The following RNF144A variants were observed in gnomAD, a reference collection of about 807,000 sequenced individuals.
RNF144A encodes ring finger protein 144A.
In RNF144A, 11 loss-of-function variants were observed where a neutral mutation model predicts 38.7. The observed-to-expected ratio is 0.28, with a 90% confidence interval of 0.18 to 0.47. RNF144A has a LOEUF of 0.47. RNF144A is among the 20% of genes least tolerant of loss of function. The pLI is 0.99. For missense variants in RNF144A, 316 were observed against 377.2 expected, an observed-to-expected ratio of 0.84 and a Z score of 1.34; for synonymous variants, 149 against 143.9, an observed-to-expected ratio of 1.04 and a Z score of -0.25.
At chr2:6,964,005 G>A (rs1667497792) in intron 2 of RNF144A, among the ~76,000 whole-genome samples, 1 of 152,104 alleles carries the variant, frequency 6.6e-6, no homozygotes, top group African/African-American at 2.4e-5. Context: ...AAGTAATGAT[G>A]TGGCTCAGGA....
the RNF144A span, among the ~76,000 whole-genome samples, chr2:7,075,018 G>C: frequency 6.6e-6 from 1 of 152,242 alleles, no homozygotes; most frequent in East Asian, 1.9e-4. Context: ...TTGCATTCCA[G>C]GTACAATTGC....
Position 6,919,663 on chromosome 2 carries a change from T to C in RNF144A, c.-212+2041T>C, listed in dbSNP as rs557036918. ...CCCCCACTGGCTGTGGGCTTCCACCTGCATCAGGCATCAAAGGCTGTGGAT... is the reference window on the plus strand; with the variant it reads ...CCCCCACTGGCTGTGGGCTTCCACCCGCATCAGGCATCAAAGGCTGTGGAT... On this transcript the variant is annotated intron_variant, in intron 1 of 8. Coordinates refer to ENST00000320892, the MANE Select transcript of RNF144A (RefSeq NM_014746.6). Among the ~76,000 whole-genome samples, 34 of 152,316 alleles carry C rather than the reference T, an allele frequency of 2.2e-4. 1 individual carries two copies. In the South Asian group the frequency reaches 6.2e-3, roughly 28 times the overall value.
intron 6 of RNF144A, among the ~76,000 whole-genome samples, chr2:7,068,030 C>T (rs1156885133): frequency 6.6e-6 from 1 of 152,214 alleles, no homozygotes; most frequent in African/African-American, 2.4e-5. Flanking sequence ...TAGTGGTCCC[C>T]ACCCTGCTCC....
chr2:7,007,990 A>G (rs896243643), intron 3 of RNF144A, among the ~76,000 whole-genome samples: 1 of 152,222 alleles, frequency 6.6e-6, no homozygotes, highest in Non-Finnish European at 1.5e-5. Flanking sequence ...AGGGGAAGGC[A>G]GCTGGACAGT....
intron 2 of RNF144A, among the ~76,000 whole-genome samples, chr2:6,970,275 G>A (rs117092444): frequency 2.0e-3 from 305 of 152,226 alleles, no homozygotes; most frequent in East Asian, 7.4e-3. Flanking sequence ...TGCTGTTATC[G>A]TGAAAGTCAG....
At chr2:6,940,837 A>C (rs911203368) in intron 1 of RNF144A, 111 bp from the exon 2 acceptor site, 1 of 152,088 alleles carries the variant, frequency 6.6e-6, no homozygotes, top group Admixed American at 6.5e-5. Flanking sequence ...GTCTGACTGG[A>C]TAAGATTTCT....
intron 5 of RNF144A, 56 bp from the exon 6 acceptor site, chr2:7,020,417 G>T (rs923855472): frequency 3.3e-6 from 5 of 1,503,366 alleles, no homozygotes; most frequent in Non-Finnish European, 4.6e-6. Context: ...TTCCTCTGAA[G>T]CCCACATGAC....
intron 2 of RNF144A, among the ~76,000 whole-genome samples, chr2:6,960,243 T>C (rs1465339955): frequency 2.6e-5 from 4 of 152,254 alleles, no homozygotes; most frequent in Non-Finnish European, 5.9e-5. Context: ...ATGTATATCA[T>C]AGGCCCTTGT....
At chr2:6,993,494 G>C (rs1381160620) in intron 2 of RNF144A, among the ~76,000 whole-genome samples, 1 of 152,154 alleles carries the variant, frequency 6.6e-6, no homozygotes, top group Non-Finnish European at 1.5e-5. Context: ...GAATTGTCTT[G>C]GGAACAAGCA....
intron 2 of RNF144A, among the ~76,000 whole-genome samples, chr2:6,971,425 G>A (rs1460835113): frequency 6.6e-6 from 1 of 152,206 alleles, no homozygotes; most frequent in Non-Finnish European, 1.5e-5. Flanking sequence ...ATTAAATGTT[G>A]CAAAACTAAA....
At chr2:7,033,559 A>G (rs1346786154) in intron 8 of RNF144A, among the ~76,000 whole-genome samples, 2 of 152,076 alleles carry the variant, frequency 1.3e-5, no homozygotes, top group African/African-American at 2.4e-5. Context: ...CTTGGTCTTC[A>G]TCACTCTCTT....
In RNF144A at chr2:6,944,769, G is replaced by C. The variant is rs78272527; in HGVS notation, c.-12+3622G>C. Among the ~76,000 whole-genome samples the C allele has an allele frequency of 6.6e-6, 1 of 152,220 alleles. No individual in the cohort carries two copies. Among genetic ancestry groups the C allele is most frequent in the South Asian group, 2.1e-4 (1 of 4,812 alleles). On this transcript the variant is annotated intron_variant, in intron 2 of 8. Transcript: ENST00000320892. This position sits in a 1 kb window ranked among gnomAD's most constrained non-coding sequence, Gnocchi z 4.7. ...GTTGGCCACGCCCACCTCCCAGGACGCTGTGTTTGGGAATCTGTCTCAAAC... is the reference window on the plus strand; with the variant it reads ...GTTGGCCACGCCCACCTCCCAGGACCCTGTGTTTGGGAATCTGTCTCAAAC...
chr2:6,925,396 CTTTA>C (rs1664794141), intron 1 of RNF144A, among the ~76,000 whole-genome samples: 1 of 152,124 alleles, frequency 6.6e-6, no homozygotes, highest in African/African-American at 2.4e-5. Flanking sequence ...AAAGAAATCT[CTTTA>C]TTTAATCCAT....
At chr2:6,963,179 G>C (rs2103333169) in intron 2 of RNF144A, among the ~76,000 whole-genome samples, 1 of 152,286 alleles carries the variant, frequency 6.6e-6, no homozygotes, top group East Asian at 1.9e-4. Flanking sequence ...GGAGTCCTCA[G>C]GTAACATGAA....
chr2:6,926,690 A>G lies in RNF144A; in HGVS notation c.-212+9068A>G, dbSNP rs145328176. Among the ~76,000 whole-genome samples, 991 of 152,366 alleles carry G rather than the reference A, an allele frequency of 6.5e-3. 12 individuals are homozygous for G. Among genetic ancestry groups the G allele is most frequent in the African/African-American group, 0.021 (854 of 41,580 alleles). ...ACAGGCTTCTCATAGGAGGCGCTCAATAAATATTTGTTGAAATGAATCTGC... is the reference window on the plus strand; with the variant it reads ...ACAGGCTTCTCATAGGAGGCGCTCAGTAAATATTTGTTGAAATGAATCTGC... On this transcript the variant is annotated intron_variant, in intron 1 of 8. Coordinates refer to ENST00000320892, the MANE Select transcript of RNF144A (RefSeq NM_014746.6).
At chr2:6,961,507 T>C (rs1018951913) in intron 2 of RNF144A, among the ~76,000 whole-genome samples, 2 of 152,136 alleles carry the variant, frequency 1.3e-5, no homozygotes, top group African/African-American at 2.4e-5. Context: ...TTGATACAGA[T>C]CCAGCCTTAG....
chr2:7,016,745 A>C (rs1254577340), intron 5 of RNF144A, among the ~76,000 whole-genome samples: 1 of 152,120 alleles, frequency 6.6e-6, no homozygotes, highest in Non-Finnish European at 1.5e-5. Flanking sequence ...ACAAGATCAG[A>C]AAGCAAATTT....
chr2:7,008,054 C>T (rs1008236928), intron 3 of RNF144A, among the ~76,000 whole-genome samples: 3 of 152,202 alleles, frequency 2.0e-5, no homozygotes, highest in African/African-American at 7.2e-5. Context: ...AGTGTCTTCC[C>T]CTTGTGGTTG....
intron 7 of RNF144A, among the ~76,000 whole-genome samples, chr2:7,028,780 A>C (rs921619): frequency 0.067 from 10,160 of 152,284 alleles, 414 homozygotes; most frequent in Middle Eastern, 0.18. Context: ...AGGTGTGGCC[A>C]GAAGTGGCTT....
Sources: allele counts gnomAD v4.1 joint callset (sites outside exome capture counted in the v4.1 genomes callset), GRCh38; gene constraint gnomAD v4.1.1; non-coding constraint Gnocchi (gnomAD v3.1); transcripts MANE v1.5; gene names NCBI Gene and HGNC (gene_info 2026-07-23, HGNC 2026-07-21).